Variants in GRIP1 observed in about 807,000 individuals in gnomAD.
The protein encoded by GRIP1 is glutamate receptor-interacting protein 1.
Under a neutral mutation model 129.9 loss-of-function variants are expected in GRIP1, and 45 were observed. The ratio of observed to expected loss-of-function variants is 0.35; its 90% CI spans 0.27 to 0.44. The LOEUF is 0.44. Ranked by LOEUF, GRIP1 falls within the 20% of genes least tolerant of loss-of-function variation. The pLI, the probability that GRIP1 is intolerant of heterozygous loss-of-function variation, is 1.00. For synonymous variants in GRIP1, 530 were observed against 520.8 expected (o/e 1.02, Z -0.24); for missense variants, 1,196 against 1,396.8 (o/e 0.86, Z 2.29).
At chr12:66,940,737 T>C (rs1043480124) in intron 1 of GRIP1, among the ~76,000 whole-genome samples, 4 of 152,186 alleles carry the variant, frequency 2.6e-5, no homozygotes, top group Non-Finnish European at 5.9e-5. Context: ...AAGCAAATTA[T>C]AGAAAGTTTT....
chr12:66,799,518 G>A (rs1055896483), intron 1 of GRIP1, among the ~76,000 whole-genome samples: 9 of 152,138 alleles, frequency 5.9e-5, no homozygotes, highest in African/African-American at 2.2e-4. Context: ...CACTAGAGAA[G>A]TAAGGACAGC....
chr12:66,461,195 GAATT>G (rs145126803), intron 9 of GRIP1, among the ~76,000 whole-genome samples: 62,807 of 151,696 alleles, frequency 0.41, 13,840 homozygotes, highest in African/African-American at 0.55. Flanking sequence ...GAAAACACTT[GAATT>G]ATTTATGAAT....
chr12:66,406,273 C>T lies in GRIP1; in HGVS notation c.1984+10G>A, dbSNP rs750038648. ...GAAAAATCAGTTTTAACTAAGGATG[C>T]TCTCAATACCTGAATTATCTTCATC... On this transcript the variant is annotated intron_variant, in intron 16 of 24. Transcript: ENST00000359742. The T allele has an allele frequency of 5.6e-6, 9 of 1,613,660 alleles. No homozygotes were observed. The African/African-American group carries it at 1.1e-4, about 19-fold the overall frequency.
chr12:66,874,429 T>G (rs1483053277), intron 1 of GRIP1, among the ~76,000 whole-genome samples: 1 of 152,068 alleles, frequency 6.6e-6, no homozygotes, highest in Non-Finnish European at 1.5e-5. Flanking sequence ...GACTTATGTT[T>G]CATGATATGG....
chr12:66,706,156 T>G (rs1218261876), intron 1 of GRIP1, among the ~76,000 whole-genome samples: 1 of 152,184 alleles, frequency 6.6e-6, no homozygotes, highest in Non-Finnish European at 1.5e-5. Flanking sequence ...AATCTACCCA[T>G]CTGACAAAGG....
At chr12:66,401,126 GAA>G (rs1007629785) in intron 16 of GRIP1, among the ~76,000 whole-genome samples, 11 of 152,222 alleles carry the variant, frequency 7.2e-5, no homozygotes, top group Admixed American at 3.3e-4. Context: ...AGTGAGGGAG[GAA>G]AACGCCTACA....
At chr12:66,805,335 C>T (rs142871627), upstream of GRIP1, among the ~76,000 whole-genome samples, 85 of 152,128 alleles carry the variant, frequency 5.6e-4, 1 homozygote, top group Middle Eastern at 3.4e-3. Context: ...TCATAGTAGA[C>T]GAGAGAGGTA....
At position 66,666,840 on chromosome 12, in the gene GRIP1, T is replaced by C. The variant is rs916489359; in HGVS notation, c.55+12010A>G. ...ATTTTATGCTCACCCTTGATAGACATTTTTAGGTTTGAAGCATTTCTTCTC... is the reference window on the plus strand; with the variant it reads ...ATTTTATGCTCACCCTTGATAGACACTTTTAGGTTTGAAGCATTTCTTCTC... On this transcript the variant is annotated intron_variant, in intron 1 of 24. Coordinates refer to ENST00000359742, the MANE Select transcript of GRIP1 (RefSeq NM_001366722.1). Among the ~76,000 whole-genome samples, 4 of 152,150 alleles carry C rather than the reference T, an allele frequency of 2.6e-5. No homozygotes were observed. In the South Asian group the frequency reaches 6.2e-4, roughly 24 times the overall value.
intron 1 of GRIP1, among the ~76,000 whole-genome samples, chr12:66,827,387 T>TGTGTGTGTGAGAGA (rs755458052): frequency 0.011 from 1,138 of 108,236 alleles, 8 homozygotes; most frequent in Non-Finnish European, 0.014. Flanking sequence ...TGTGTGTGTG[T>TGTGTGTGTGAGAGA]GAGAGAGAGA....
intron 1 of GRIP1, among the ~76,000 whole-genome samples, chr12:66,676,287 T>C (rs2034324163): frequency 6.6e-6 from 1 of 152,112 alleles, no homozygotes; most frequent in African/African-American, 2.4e-5. Flanking sequence ...ATCAAGAATG[T>C]GGGTGTTTGT....
chr12:66,844,720 T>C (rs899234339), intron 1 of GRIP1, among the ~76,000 whole-genome samples: 4 of 152,198 alleles, frequency 2.6e-5, no homozygotes, highest in Non-Finnish European at 5.9e-5. Flanking sequence ...CATCAATGGA[T>C]GAACTGCCAA....
At chr12:66,799,676 T>A (rs2136906240) in intron 1 of GRIP1, among the ~76,000 whole-genome samples, 1 of 152,260 alleles carries the variant, frequency 6.6e-6, no homozygotes, top group East Asian at 1.9e-4. Flanking sequence ...CAGGCATCTT[T>A]CCAAAGTATA....
intron 2 of GRIP1, among the ~76,000 whole-genome samples, chr12:66,583,392 C>A (rs1347319969): frequency 1.4e-5 from 2 of 147,272 alleles, no homozygotes; most frequent in African/African-American, 2.5e-5. Context: ...GCAACAAAAG[C>A]CAAAATTGAC....
At chr12:66,440,894 CA>C (rs2058453729) in intron 13 of GRIP1, among the ~76,000 whole-genome samples, 1 of 152,158 alleles carries the variant, frequency 6.6e-6, no homozygotes, top group Non-Finnish European at 1.5e-5. Context: ...GGATATAATA[CA>C]ATATAAAATA....
chr12:66,871,305 A>G (rs2040292281), intron 1 of GRIP1, among the ~76,000 whole-genome samples: 1 of 152,092 alleles, frequency 6.6e-6, no homozygotes, highest in Non-Finnish European at 1.5e-5. Context: ...ATTTTTTCCC[A>G]GTTATATATT....
chr12:66,520,456 C>G (rs4144464), intron 5 of GRIP1, among the ~76,000 whole-genome samples: 5 of 152,036 alleles, frequency 3.3e-5, no homozygotes, highest in Non-Finnish European at 5.9e-5. Flanking sequence ...TATAAAAATG[C>G]GGTCCTCATA....
At chr12:66,965,230 T>G (rs890669119) in intron 1 of GRIP1, among the ~76,000 whole-genome samples, 3 of 152,108 alleles carry the variant, frequency 2.0e-5, no homozygotes, top group African/African-American at 7.2e-5. Flanking sequence ...ACCATATCCT[T>G]CAATCAGTAA....
At chr12:66,946,768 GGGGGT>G (rs1463330122) in intron 1 of GRIP1, among the ~76,000 whole-genome samples, 1 of 113,836 alleles carries the variant, frequency 8.8e-6, no homozygotes, top group Non-Finnish European at 1.8e-5. Context: ...GCGGGGGTCG[GGGGGT>G]GGGGTGGGGG....
At chr12:66,538,218 T>TTTA (rs531046044) in intron 4 of GRIP1, among the ~76,000 whole-genome samples, 4 of 144,502 alleles carry the variant, frequency 2.8e-5, no homozygotes, top group African/African-American at 1.0e-4. Flanking sequence ...TTTTTTTTTT[T>TTTA]AAACAGGGTT....
Sources: allele counts gnomAD v4.1 joint callset (sites outside exome capture counted in the v4.1 genomes callset), GRCh38; gene constraint gnomAD v4.1.1; transcripts MANE v1.5; gene names NCBI Gene and HGNC (gene_info 2026-07-23, HGNC 2026-07-21).